KCNIP1: variants seen among roughly 807,000 people sequenced by gnomAD.
KCNIP1 encodes A-type potassium channel modulatory protein KCNIP1.
In KCNIP1, 18 loss-of-function variants were observed where a neutral mutation model predicts 33.0. The observed-to-expected ratio is 0.55, with a 90% CI of 0.38 to 0.81. The LOEUF (loss-of-function observed/expected upper bound fraction) is 0.81, where lower values mean the gene tolerates loss of function less well. Ranked by LOEUF, KCNIP1 falls within the 30% of genes least tolerant of loss-of-function variation. The pLI, the probability that KCNIP1 is intolerant of heterozygous loss-of-function variation, is 0.00. For missense variants in KCNIP1, 238 were observed against 271.6 expected (o/e 0.88, Z 0.87); for synonymous variants, 93 against 98.3 (o/e 0.95, Z 0.32).
At chr5:170,587,665 A>G (rs1042570149) in intron 1 of KCNIP1, among the ~76,000 whole-genome samples, 11 of 152,120 alleles carry the variant, frequency 7.2e-5, no homozygotes, top group East Asian at 1.9e-4. Context: ...TGCTTCTGTC[A>G]TCACATGGCC....
rs1760323174 is a variant in KCNIP1, at chr5:170,637,278, T to C, written c.62-81480T>C. On this transcript the variant is annotated intron_variant, in intron 1 of 7. Coordinates refer to ENST00000328939, the MANE Select transcript of KCNIP1 (RefSeq NM_014592.4). Reference sequence around the variant, plus strand: ...CTCCCCCTTCTCCTCAGACCCCGAGTGTCTGGCCAGGCTTTCTCACTGGGA... The same window carrying C: ...CTCCCCCTTCTCCTCAGACCCCGAGCGTCTGGCCAGGCTTTCTCACTGGGA... 2.0e-5 allele frequency among the ~76,000 whole-genome samples: 3 copies of C among 151,692 alleles called. No homozygotes were observed. The South Asian group carries it at 6.3e-4, about 32-fold the overall frequency.
intron 1 of KCNIP1, among the ~76,000 whole-genome samples, chr5:170,513,425 TTCTC>T (rs149240065): frequency 0.03 from 4,510 of 152,304 alleles, 215 homozygotes; most frequent in African/African-American, 0.1. Flanking sequence ...CTGTTTTTCT[TTCTC>T]TCTCTTTCTT....
At chr5:170,733,581 C>A (rs1279678536) in intron 6 of KCNIP1, among the ~76,000 whole-genome samples, 1 of 152,150 alleles carries the variant, frequency 6.6e-6, no homozygotes, top group Non-Finnish European at 1.5e-5. Flanking sequence ...AATAAGCCAG[C>A]AGTGAGGTGA....
chr5:170,481,130 T>C (rs1350290080), intron 1 of KCNIP1, among the ~76,000 whole-genome samples: 1 of 152,244 alleles, frequency 6.6e-6, no homozygotes, highest in East Asian at 1.9e-4. Context: ...TCAATCTTAT[T>C]TGATATTCAA....
At chr5:170,400,537 T>C (rs1267757145) in intron 1 of KCNIP1, among the ~76,000 whole-genome samples, 1 of 152,196 alleles carries the variant, frequency 6.6e-6, no homozygotes, top group African/African-American at 2.4e-5. Flanking sequence ...ACACAGAGCC[T>C]AGCCATATCA....
upstream of KCNIP1, among the ~76,000 whole-genome samples, chr5:170,499,915 G>A: frequency 6.6e-6 from 1 of 152,182 alleles, no homozygotes; most frequent in Non-Finnish European, 1.5e-5. Flanking sequence ...GCAGAAGGAA[G>A]GCCTTGCGTC....
At chr5:170,688,319 T>A (rs1751678040) in intron 1 of KCNIP1, among the ~76,000 whole-genome samples, 1 of 152,226 alleles carries the variant, frequency 6.6e-6, no homozygotes, top group African/African-American at 2.4e-5. Context: ...AGGGCAAGAC[T>A]GTGACACAGA....
chr5:170,712,445 A>G (rs1287743003), intron 1 of KCNIP1, among the ~76,000 whole-genome samples: 1 of 152,240 alleles, frequency 6.6e-6, no homozygotes, highest in Non-Finnish European at 1.5e-5. Context: ...GCAGTTTCCA[A>G]TCACAAAGAA....
intron 1 of KCNIP1, among the ~76,000 whole-genome samples, chr5:170,536,479 C>T (rs1561674443): frequency 6.6e-6 from 1 of 152,208 alleles, no homozygotes; most frequent in Non-Finnish European, 1.5e-5. Flanking sequence ...AGAACCTGTT[C>T]TCTCCCATCA....
chr5:170,521,467 T>C (rs149316685), intron 1 of KCNIP1, among the ~76,000 whole-genome samples: 2 of 152,350 alleles, frequency 1.3e-5, no homozygotes, highest in African/African-American at 2.4e-5. Flanking sequence ...TCTTCCAGAG[T>C]GAAAGACCAT....
At chr5:170,697,892 T>C (rs778856454) in intron 1 of KCNIP1, among the ~76,000 whole-genome samples, 1 of 152,032 alleles carries the variant, frequency 6.6e-6, no homozygotes, top group Non-Finnish European at 1.5e-5. Context: ...TGTTGCAATA[T>C]TAAATTGTGT....
intron 1 of KCNIP1, among the ~76,000 whole-genome samples, chr5:170,416,112 T>TC (rs1755322877): frequency 6.6e-6 from 1 of 151,936 alleles, no homozygotes; most frequent in Non-Finnish European, 1.5e-5. Flanking sequence ...TGTCCCAAGG[T>TC]CCACCCCTGG....
At chr5:170,364,333 T>G (rs2113293936) in intron 1 of KCNIP1, among the ~76,000 whole-genome samples, 1 of 152,372 alleles carries the variant, frequency 6.6e-6, no homozygotes, top group Non-Finnish European at 1.5e-5. Flanking sequence ...GGTTCATTCC[T>G]GTAACAGCCT....
intron 1 of KCNIP1, among the ~76,000 whole-genome samples, chr5:170,605,843 C>T (rs999161723): frequency 1.4e-5 from 2 of 147,238 alleles, no homozygotes; most frequent in African/African-American, 5.0e-5. Context: ...GGCACGACCT[C>T]AGCTCCCTGT....
rs115525563 is a variant in KCNIP1 at position 170,647,191 on chromosome 5, A to G, written c.62-71567A>G. Among the ~76,000 whole-genome samples the G allele has an allele frequency of 1.6e-3, 240 of 152,312 alleles. 1 individual carries two copies. The highest frequency in any genetic ancestry group is 5.4e-3 in the African/African-American group (224 of 41,574). ...CAGGTTATCAGTTCTTTCCAACTTCATCTATAGATTAAATGCAATCCCAGC... is the reference window on the plus strand; with the variant it reads ...CAGGTTATCAGTTCTTTCCAACTTCGTCTATAGATTAAATGCAATCCCAGC... On this transcript the variant is annotated intron_variant, in intron 1 of 7. Coordinates refer to ENST00000328939, the MANE Select transcript of KCNIP1 (RefSeq NM_014592.4).
At position 170,667,339 on chromosome 5, in the gene KCNIP1, A is replaced by G. The variant is rs145329915; in HGVS notation, c.62-51419A>G. Among the ~76,000 whole-genome samples the G allele has an allele frequency of 4.4e-3, 662 of 152,096 alleles. 2 individuals are homozygous for G. The highest frequency in any genetic ancestry group is 6.9e-3 in the Non-Finnish European group (470 of 68,006). On this transcript the variant is annotated intron_variant, in intron 1 of 7. Coordinates refer to ENST00000328939, the MANE Select transcript of KCNIP1 (RefSeq NM_014592.4). ...AAAAAAAAAAAAAGTAAAAACTGTCATTATTATAACCATAATTACTATTAG... is the reference window on the plus strand; with the variant it reads ...AAAAAAAAAAAAAGTAAAAACTGTCGTTATTATAACCATAATTACTATTAG...
At chr5:170,563,406 A>G (rs1757101325) in intron 1 of KCNIP1, among the ~76,000 whole-genome samples, 1 of 152,188 alleles carries the variant, frequency 6.6e-6, no homozygotes, top group Non-Finnish European at 1.5e-5. Flanking sequence ...TAACACTGAC[A>G]TCACCTGCTC....
chr5:170,488,494 G>A (rs574565977), intron 1 of KCNIP1, among the ~76,000 whole-genome samples: 3 of 152,286 alleles, frequency 2.0e-5, no homozygotes, highest in East Asian at 1.9e-4. Flanking sequence ...AGTAACATAC[G>A]GTTAAGCATC....
At chr5:170,390,994 C>G (rs1390613133) in intron 1 of KCNIP1, among the ~76,000 whole-genome samples, 1 of 152,176 alleles carries the variant, frequency 6.6e-6, no homozygotes, top group Non-Finnish European at 1.5e-5. Context: ...TTCTCCACCC[C>G]TTTCCTAATT....
Sources: allele counts gnomAD v4.1 joint callset (sites outside exome capture counted in the v4.1 genomes callset), GRCh38; gene constraint gnomAD v4.1.1; transcripts MANE v1.5; gene names NCBI Gene and HGNC (gene_info 2026-07-23, HGNC 2026-07-21).